ELMO1: variants seen among roughly 807,000 people sequenced by gnomAD.
ELMO1 encodes engulfment and cell motility 1, also known as engulfment and cell motility protein 1.
ELMO1 carries 26 observed loss-of-function variants against 98.9 expected under a neutral mutation model. The ratio of observed to expected loss-of-function variants is 0.26; its 90% CI spans 0.19 to 0.36. ELMO1 has a LOEUF of 0.36. Among genes scored for constraint, ELMO1 ranks in the 10% least tolerant of loss-of-function variants. ELMO1 has a pLI of 1.00. For missense variants in ELMO1, 627 were observed against 935.2 expected (o/e 0.67, Z 4.30); for synonymous variants, 346 against 346.0 (o/e 1.00, Z 0.00).
chr7:37,057,733 G>C (rs1254963030), intron 15 of ELMO1, among the ~76,000 whole-genome samples: 2 of 152,170 alleles, frequency 1.3e-5, no homozygotes, highest in Non-Finnish European at 2.9e-5. Flanking sequence ...TTGACCTCTG[G>C]GTTGATTAGT....
chr7:37,302,834 GA>G (rs1469826643), intron 4 of ELMO1, among the ~76,000 whole-genome samples: 3 of 152,100 alleles, frequency 2.0e-5, no homozygotes, highest in Non-Finnish European at 4.4e-5. Context: ...GGATCAGAAA[GA>G]AACAATCAGA....
At chr7:37,311,736 C>T (rs561478774) in intron 4 of ELMO1, among the ~76,000 whole-genome samples, 4 of 152,030 alleles carry the variant, frequency 2.6e-5, no homozygotes, top group South Asian at 4.1e-4. Context: ...GCAATGACAC[C>T]GTATTTACAA....
At chr7:37,318,099 T>C (rs1230587856) in intron 2 of ELMO1, among the ~76,000 whole-genome samples, 1 of 152,224 alleles carries the variant, frequency 6.6e-6, no homozygotes, top group East Asian at 1.9e-4. Flanking sequence ...GGCAATTGGG[T>C]TCTACTGTAG....
intron 16 of ELMO1, among the ~76,000 whole-genome samples, chr7:37,003,088 T>C (rs1792795850): frequency 6.6e-6 from 1 of 152,220 alleles, no homozygotes; most frequent in African/African-American, 2.4e-5. Context: ...ATTTTAACTT[T>C]ACTAGAATAG....
chr7:37,274,788 T>C (rs1796739678), intron 4 of ELMO1, among the ~76,000 whole-genome samples: 1 of 152,148 alleles, frequency 6.6e-6, no homozygotes, highest in Non-Finnish European at 1.5e-5. Context: ...CCTGACCTTG[T>C]GATCTGCCCA....
In ELMO1 at chr7:37,005,107, CAAA is replaced by C. The variant is rs35665315; in HGVS notation, c.1437+8189_1437+8191del. Among the ~76,000 whole-genome samples, 127 of 38,256 alleles carry C rather than the reference CAAA, an allele frequency of 3.3e-3. 2 individuals carry two copies. The highest frequency in any genetic ancestry group is 8.2e-3 in the African/African-American group (115 of 14,032). 25.1% of individuals were successfully genotyped at this position (38,256 alleles called of 152,430 possible). ...CTGGCAACAGAGCAAGGCTCTGTCT[CAAA>C]AAAAAAAAAAAAAAAAAAAAAAGAA... On this transcript the variant is annotated intron_variant, in intron 16 of 21. Transcript: ENST00000310758.
chr7:36,911,858 A>G (rs1784367118), intron 16 of ELMO1, among the ~76,000 whole-genome samples: 1 of 152,146 alleles, frequency 6.6e-6, no homozygotes, highest in Non-Finnish European at 1.5e-5. Context: ...CTCTGCAAAC[A>G]GCCTGCTCCC....
intron 4 of ELMO1, among the ~76,000 whole-genome samples, chr7:37,288,914 G>A (rs947078643): frequency 2.0e-5 from 3 of 152,196 alleles, no homozygotes. Flanking sequence ...AACCAAAGCA[G>A]CAACACCTAC....
At chr7:37,260,948 T>G (rs1795946117) in intron 5 of ELMO1, among the ~76,000 whole-genome samples, 2 of 152,216 alleles carry the variant, frequency 1.3e-5, no homozygotes, top group African/African-American at 4.8e-5. Context: ...AGCATTCACA[T>G]GAACATTTAA....
intron 19 of ELMO1, among the ~76,000 whole-genome samples, chr7:36,874,096 G>A (rs188442215): frequency 1.3e-5 from 2 of 152,326 alleles, no homozygotes; most frequent in East Asian, 3.9e-4. Flanking sequence ...GAGTGCCAGG[G>A]TTTGAATTCT....
intron 13 of ELMO1, among the ~76,000 whole-genome samples, chr7:37,190,657 G>A (rs1004545177): frequency 6.6e-6 from 1 of 151,786 alleles, no homozygotes; most frequent in Admixed American, 6.6e-5. Flanking sequence ...TGCCAATCAC[G>A]CCCGGCTAAC....
At chr7:37,062,501 G>A (rs1415900828) in intron 15 of ELMO1, among the ~76,000 whole-genome samples, 3 of 152,182 alleles carry the variant, frequency 2.0e-5, no homozygotes, top group African/African-American at 2.4e-5. Context: ...ATAGCTCACC[G>A]AGTGTATATT....
chr7:37,026,681 T>C (rs1300298767), intron 15 of ELMO1, among the ~76,000 whole-genome samples: 5 of 152,182 alleles, frequency 3.3e-5, no homozygotes, highest in Admixed American at 6.5e-5. Flanking sequence ...GCTTAGCTCT[T>C]GGTTTTCCCT....
intron 20 of ELMO1, among the ~76,000 whole-genome samples, chr7:36,867,390 A>T (rs1287928116): frequency 6.6e-6 from 1 of 152,194 alleles, no homozygotes; most frequent in African/African-American, 2.4e-5. Flanking sequence ...CACATCTGTT[A>T]TATGGGTGAC....
intron 1 of ELMO1, among the ~76,000 whole-genome samples, chr7:37,347,643 A>G (rs994344993): frequency 1.3e-5 from 2 of 152,196 alleles, no homozygotes; most frequent in African/African-American, 4.8e-5. Flanking sequence ...GCCTTCTGCC[A>G]TGATGGTGAG....
At chr7:37,105,726 T>C (rs529631356) in intron 14 of ELMO1, among the ~76,000 whole-genome samples, 4 of 152,328 alleles carry the variant, frequency 2.6e-5, no homozygotes, top group South Asian at 2.1e-4. Context: ...TTTAAAGACA[T>C]GCAAAGCAAT....
chr7:37,063,558 G>A (rs1287108328), intron 15 of ELMO1, among the ~76,000 whole-genome samples: 2 of 152,120 alleles, frequency 1.3e-5, no homozygotes, highest in Non-Finnish European at 2.9e-5. Flanking sequence ...AATAGATATG[G>A]AAGTCAAATG....
At chr7:37,325,763 C>A (rs1048772814) in intron 2 of ELMO1, among the ~76,000 whole-genome samples, 1 of 152,112 alleles carries the variant, frequency 6.6e-6, no homozygotes, top group African/African-American at 2.4e-5. Flanking sequence ...TTATTAGTAA[C>A]GTTGGCCCAG....
Position 37,231,210 on chromosome 7 carries a change from A to G in ELMO1, c.549+1885T>C, listed in dbSNP as rs1794154361. 3.3e-5 allele frequency among the ~76,000 whole-genome samples: 5 copies of G among 152,170 alleles called. No individual in the cohort carries two copies. The South Asian group carries it at 1.0e-3, about 32-fold the overall frequency. ...ATCAGCTCTTGTCTTAAATGAACAT[A>G]AAACATAGTGCGGACATGACACCTG... On this transcript the variant is annotated intron_variant, in intron 8 of 21. Transcript: ENST00000310758.
Sources: allele counts gnomAD v4.1 joint callset (sites outside exome capture counted in the v4.1 genomes callset), GRCh38; gene constraint gnomAD v4.1.1; transcripts MANE v1.5; gene names NCBI Gene and HGNC (gene_info 2026-07-23, HGNC 2026-07-21).